DPH6: variants seen among roughly 807,000 people sequenced by gnomAD.
The protein encoded by DPH6 is diphthamine biosynthesis 6.
A neutral mutation model predicts 38.2 loss-of-function variants in DPH6; 33 were observed. That is an observed-to-expected ratio of 0.86 (90% CI 0.65 to 1.15). The LOEUF (loss-of-function observed/expected upper bound fraction) is 1.15, where lower values mean the gene tolerates loss of function less well. DPH6 is among the 50% of genes most tolerant of loss of function. The pLI, the probability that DPH6 is intolerant of heterozygous loss-of-function variation, is 0.00. For synonymous variants in DPH6, 108 were observed against 103.0 expected (o/e 1.05, Z -0.30); for missense variants, 325 against 320.0 (o/e 1.02, Z -0.12).
At chr15:35,518,989 G>A (rs1210855606) in intron 3 of DPH6, 1 of 151,856 alleles carries the variant, frequency 6.6e-6, no homozygotes, top group Non-Finnish European at 1.5e-5. Flanking sequence ...AAGAAACCAG[G>A]ACTTGGGCCC....
intron 3 of DPH6, among the ~76,000 whole-genome samples, chr15:35,365,043 A>G (rs1166385865): frequency 6.6e-6 from 1 of 152,070 alleles, no homozygotes; most frequent in East Asian, 1.9e-4. Context: ...GGCTATATCT[A>G]CAAGATATTG....
rs1226972440 is a variant in DPH6, at chr15:35,379,147, C to T, written c.662+2675G>A. Among the ~76,000 whole-genome samples, 4 of 152,192 alleles carry T rather than the reference C, an allele frequency of 2.6e-5. No individual in the cohort carries two copies. In the South Asian group the frequency reaches 8.3e-4, roughly 31 times the overall value. Reference sequence around the variant, plus strand: ...TACTTCCGTTGTTACATCCCGTTCTCTGACTCGGACCCTTCTGCCTCTTTC... The same window carrying T: ...TACTTCCGTTGTTACATCCCGTTCTTTGACTCGGACCCTTCTGCCTCTTTC... On this transcript the variant is annotated intron_variant, in intron 7 of 8. Transcript: ENST00000256538.
chr15:35,316,397 A>G (rs2052189041), intron 3 of DPH6, among the ~76,000 whole-genome samples: 1 of 152,240 alleles, frequency 6.6e-6, no homozygotes, highest in South Asian at 2.1e-4. Context: ...AATAATTTAT[A>G]GATTCCAGAG....
chr15:35,279,000 G>C (rs1324980204), intron 3 of DPH6, among the ~76,000 whole-genome samples: 1 of 133,670 alleles, frequency 7.5e-6, no homozygotes, highest in Non-Finnish European at 1.5e-5. Flanking sequence ...AGTGAACTGA[G>C]ATCACGCCAC....
At chr15:35,316,025 T>C (rs1033043001) in intron 3 of DPH6, among the ~76,000 whole-genome samples, 2 of 152,056 alleles carry the variant, frequency 1.3e-5, no homozygotes, top group African/African-American at 4.8e-5. Context: ...TGGTGGTTAC[T>C]AGATGCCAGG....
intron 5 of DPH6, among the ~76,000 whole-genome samples, chr15:35,414,117 T>C (rs1595542930): frequency 1.6e-5 from 2 of 124,618 alleles, no homozygotes; most frequent in East Asian, 2.2e-4. Flanking sequence ...GTTATCAACA[T>C]ATTTACAATG....
In DPH6 at chr15:35,454,768, T is replaced by C; in HGVS notation, c.365A>G (p.Gln122Arg). The change falls in exon 4 of 9, where the codon CAG (glutamine) becomes CGG (arginine). Residue 122 changes from glutamine to arginine, a missense_variant. By Grantham distance (43) the Gln-to-Arg change is conservative (BLOSUM62 1). Transcript: ENST00000256538. ...ISVGAILSDY[Q>R]RIRVENVCKR... ...TTACACATTTTCCACTCGAATACGC[T>C]GATAGTCAGAAAGTATAGCACCTAC... The C allele has an allele frequency of 2.5e-6, 4 of 1,609,560 alleles. No individual in the cohort carries two copies. Among genetic ancestry groups the C allele is most frequent in the Non-Finnish European group, 3.4e-6 (4 of 1,178,264 alleles).
intron 3 of DPH6, among the ~76,000 whole-genome samples, chr15:35,260,559 T>A (rs2051740070): frequency 6.6e-6 from 1 of 151,604 alleles, no homozygotes; most frequent in South Asian, 2.1e-4. Flanking sequence ...TAAACTTAAG[T>A]AATCTGAAGA....
chr15:35,446,052 C>T (rs940356393), intron 5 of DPH6, among the ~76,000 whole-genome samples: 17 of 152,052 alleles, frequency 1.1e-4, no homozygotes, highest in African/African-American at 3.6e-4. Flanking sequence ...GTTCTCAAGA[C>T]GCAGAGAAAA....
At chr15:35,519,495 T>C (rs1338366964) in intron 3 of DPH6, 1 of 152,090 alleles carries the variant, frequency 6.6e-6, no homozygotes, top group Non-Finnish European at 1.5e-5. Context: ...CTGATAAAAC[T>C]TGAGATTTAC....
chr15:35,212,470 A>G (rs149521900), downstream of DPH6, among the ~76,000 whole-genome samples: 43 of 152,290 alleles, frequency 2.8e-4, no homozygotes, highest in African/African-American at 1.0e-3. Context: ...CTGAGTGCCC[A>G]GGACCGATTC....
rs566081911 is a variant in DPH6 at position 35,538,857 on chromosome 15, T to G, written c.119-390A>C. Reference sequence around the variant, plus strand: ...AGGTTATTCATGAAGTCATCTAGACTTGTAGAAAAAAAAACCTTTCTTAAT... The same window carrying G: ...AGGTTATTCATGAAGTCATCTAGACGTGTAGAAAAAAAAACCTTTCTTAAT... On this transcript the variant is annotated intron_variant, in intron 2 of 8. Coordinates refer to ENST00000256538, the MANE Select transcript of DPH6 (RefSeq NM_080650.4). Among the ~76,000 whole-genome samples, 75 of 152,194 alleles carry G rather than the reference T, an allele frequency of 4.9e-4. 1 individual carries two copies. The highest frequency in any genetic ancestry group is 3.4e-3 in the Middle Eastern group (1 of 294).
In DPH6 at chr15:35,275,071, C is replaced by T. The variant is rs372651675; in HGVS notation, n.201-54489G>A. ...CTGGGACTACAGGTGCCCGCCACCA[C>T]GCCTGGCTAATTTTTTTGTATTTTT... On this transcript the variant is annotated intron_variant and non_coding_transcript_variant, in intron 3 of 3. Coordinates refer to the DPH6 transcript ENST00000560386. Among the ~76,000 whole-genome samples the T allele has an allele frequency of 3.4e-4, 51 of 152,142 alleles. 3 individuals are homozygous for T. Among genetic ancestry groups the T allele is most frequent in the Admixed American group, 2.6e-3 (39 of 15,290 alleles).
At chr15:35,458,621 A>T (rs2054025764) in intron 3 of DPH6, among the ~76,000 whole-genome samples, 1 of 152,222 alleles carries the variant, frequency 6.6e-6, no homozygotes, top group South Asian at 2.1e-4. Context: ...CAGCAGAGAA[A>T]AAAAGAGAAT....
chr15:35,378,791 C>G (rs572453065), intron 7 of DPH6, among the ~76,000 whole-genome samples: 16 of 148,560 alleles, frequency 1.1e-4, no homozygotes, highest in African/African-American at 3.8e-4. Context: ...CACATGGACA[C>G]AGGGAGGGGA....
At chr15:35,535,897 T>C (rs775034250) in intron 3 of DPH6, among the ~76,000 whole-genome samples, 1 of 152,172 alleles carries the variant, frequency 6.6e-6, no homozygotes, top group African/African-American at 2.4e-5. Flanking sequence ...TTTCAGAAAT[T>C]AGTAAATTAA....
chr15:35,539,911 T>C (rs1391918189), intron 2 of DPH6, among the ~76,000 whole-genome samples: 1 of 152,080 alleles, frequency 6.6e-6, no homozygotes, highest in African/African-American at 2.4e-5. Context: ...ATTGTTACTA[T>C]AAATGTTTCC....
chr15:35,323,044 TAAAC>T (rs2052253752), intron 3 of DPH6, among the ~76,000 whole-genome samples: 2 of 152,162 alleles, frequency 1.3e-5, no homozygotes, highest in South Asian at 2.1e-4. Context: ...TTATGTTACT[TAAAC>T]AACAAATAAA....
intron 5 of DPH6, among the ~76,000 whole-genome samples, chr15:35,435,472 C>T (rs972192297): frequency 1.3e-5 from 2 of 152,166 alleles, no homozygotes; most frequent in Non-Finnish European, 2.9e-5. Flanking sequence ...GACTGGGGGT[C>T]TGCATGAGCA....
Sources: allele counts gnomAD v4.1 joint callset (sites outside exome capture counted in the v4.1 genomes callset), GRCh38; gene constraint gnomAD v4.1.1; transcripts MANE v1.5; gene names NCBI Gene and HGNC (gene_info 2026-07-23, HGNC 2026-07-21).